CDKL4: variants seen among roughly 807,000 people sequenced by gnomAD.
The protein encoded by CDKL4 is cyclin-dependent kinase-like 4.
A neutral mutation model predicts 42.0 loss-of-function variants in CDKL4; 44 were observed. The ratio of observed to expected loss-of-function variants is 1.05; its 90% confidence interval spans 0.82 to 1.35. The LOEUF is 1.35. CDKL4 is among the 40% of genes most tolerant of loss of function. The pLI, the probability that CDKL4 is intolerant of heterozygous loss-of-function variation, is 0.00. For missense variants in CDKL4, 393 were observed against 369.9 expected (o/e 1.06, Z -0.51); for synonymous variants, 120 against 121.6 (o/e 0.99, Z 0.09).
intron 3 of CDKL4, among the ~76,000 whole-genome samples, chr2:39,214,532 TCATC>T (rs1677797373): frequency 6.6e-6 from 1 of 152,234 alleles, no homozygotes; most frequent in Non-Finnish European, 1.5e-5. Context: ...ATATCTGTAA[TCATC>T]CATCTTATGA....
At position 39,184,155 on chromosome 2, in the gene CDKL4, T is replaced by G. The variant is rs572322911; in HGVS notation, c.792+436A>C. Among the ~76,000 whole-genome samples, 3 of 152,334 alleles carry G rather than the reference T, an allele frequency of 2.0e-5. No homozygotes were observed. In the East Asian group the frequency reaches 5.8e-4, roughly 29 times the overall value. ...ACTGTAGACAGAACTTAATTGATTG[T>G]CAAAGGTAGATACCCTCTCTGGTAT... On this transcript the variant is annotated intron_variant, in intron 8 of 9. Transcript: ENST00000451199.
chr2:39,209,499 T>C (rs2148345850), intron 4 of CDKL4, among the ~76,000 whole-genome samples: 2 of 152,312 alleles, frequency 1.3e-5, no homozygotes, highest in East Asian at 3.9e-4. Context: ...TCTTAAGTCC[T>C]GCGCTTCTCC....
chr2:39,179,446 C>A, intron 8 of CDKL4, 125 bp from the exon 9 acceptor site: 1 of 738,780 alleles, frequency 1.4e-6, no homozygotes. Context: ...TGTGTATTAT[C>A]AAGTAGTTGG....
At position 39,230,467 on chromosome 2, in the gene CDKL4, T is replaced by G. The variant is rs1679029557; in HGVS notation, c.-56-879A>C. ...GAAAATAATAAACACAAAGAAAGCA[T>G]TCATTCTTATGAATTCTTTCACATC... On this transcript the variant is annotated intron_variant, in intron 1 of 9. Coordinates refer to ENST00000451199, the Ensembl canonical transcript of CDKL4. Among the ~76,000 whole-genome samples the G allele has an allele frequency of 2.6e-5, 4 of 152,230 alleles. 1 individual carries two copies. The highest frequency in any genetic ancestry group is 5.9e-5 in the Non-Finnish European group (4 of 68,038).
At chr2:39,218,627 C>A (rs1678098928) in intron 3 of CDKL4, among the ~76,000 whole-genome samples, 1 of 152,162 alleles carries the variant, frequency 6.6e-6, no homozygotes, top group Non-Finnish European at 1.5e-5. Context: ...GGCAGGCAGG[C>A]ATCATCAAAC....
At chr2:39,182,841 C>T (rs1386118399) in intron 8 of CDKL4, among the ~76,000 whole-genome samples, 1 of 152,202 alleles carries the variant, frequency 6.6e-6, no homozygotes, top group Non-Finnish European at 1.5e-5. Context: ...CACAGAAGAC[C>T]TGCCATAGAT....
chr2:39,186,240 T>C (rs1372435180), intron 7 of CDKL4, among the ~76,000 whole-genome samples: 1 of 152,160 alleles, frequency 6.6e-6, no homozygotes, highest in Non-Finnish European at 1.5e-5. Flanking sequence ...AGAAAACCAG[T>C]ATATAAATCA....
intron 1 of CDKL4, among the ~76,000 whole-genome samples, chr2:39,236,318 T>G (rs546228182): frequency 5.9e-5 from 9 of 152,002 alleles, no homozygotes; most frequent in African/African-American, 2.2e-4. Context: ...GGAGGCAAAA[T>G]CAATACTACC....
intron 8 of CDKL4, among the ~76,000 whole-genome samples, chr2:39,181,442 A>G (rs1194461946): frequency 1.3e-5 from 2 of 152,036 alleles, no homozygotes; most frequent in Admixed American, 1.3e-4. Context: ...CTACAATTCC[A>G]TTCCAGACCT....
At chr2:39,224,569 T>C (rs755118084) in intron 3 of CDKL4, among the ~76,000 whole-genome samples, 5 of 150,208 alleles carry the variant, frequency 3.3e-5, no homozygotes, top group Admixed American at 6.6e-5. Context: ...AGTGGTGTGA[T>C]CTCGGCTCAC....
upstream of CDKL4, among the ~76,000 whole-genome samples, chr2:39,245,723 C>T: frequency 6.6e-6 from 1 of 152,340 alleles, no homozygotes; most frequent in Middle Eastern, 3.4e-3. Context: ...AGTTCGTTTC[C>T]CTGCCTGGGC....
chr2:39,171,651 G>C (rs1675002500), downstream of CDKL4, among the ~76,000 whole-genome samples: 1 of 152,184 alleles, frequency 6.6e-6, no homozygotes, highest in African/African-American at 2.4e-5. Context: ...AATAGGCAAA[G>C]TCTGCATTTT....
chr2:39,180,785 G>A (rs900472073), intron 8 of CDKL4, among the ~76,000 whole-genome samples: 7 of 150,438 alleles, frequency 4.7e-5, no homozygotes, highest in Non-Finnish European at 1.0e-4. Flanking sequence ...CCACCTCCCA[G>A]GTTTGAGCGA....
chr2:39,190,446 G>A (rs1234819022), exon 6 of CDKL4: 9 of 1,614,008 alleles, frequency 5.6e-6, no homozygotes, highest in Admixed American at 1.7e-5. Flanking sequence ...CCCACAAGAA[G>A]TTCAGGAGCT....
chr2:39,176,736 A>T (rs1675184417), intron 9 of CDKL4, among the ~76,000 whole-genome samples: 1 of 152,214 alleles, frequency 6.6e-6, no homozygotes, highest in South Asian at 2.1e-4. Flanking sequence ...CCTGGCCTCA[A>T]ATTTTGAATA....
the CDKL4 span, among the ~76,000 whole-genome samples, chr2:39,169,919 G>A: frequency 1.3e-5 from 2 of 152,134 alleles, no homozygotes; most frequent in African/African-American, 4.8e-5. Context: ...CACCCAGGTT[G>A]AAGTGCAGTG....
chr2:39,184,900 A>AG (rs1481039507), intron 7 of CDKL4, among the ~76,000 whole-genome samples: 2 of 151,480 alleles, frequency 1.3e-5, no homozygotes, highest in Non-Finnish European at 2.9e-5. Context: ...ACACACAGCT[A>AG]ATTTTTTATT....
At chr2:39,213,411 G>T in exon 4 of CDKL4, 1 of 1,592,198 alleles carries the variant, frequency 6.3e-7, no homozygotes, top group Non-Finnish European at 8.6e-7. Flanking sequence ...TTATGTATAT[G>T]ACAGAAATTA....
At chr2:39,213,137 T>C (rs1677688131) in intron 4 of CDKL4, among the ~76,000 whole-genome samples, 1 of 152,164 alleles carries the variant, frequency 6.6e-6, no homozygotes, top group Non-Finnish European at 1.5e-5. Context: ...TTTTGAACTT[T>C]CTTTTGTTAT....
Sources: gnomAD v4.1 joint callset for allele counts (sites outside exome capture counted in the v4.1 genomes callset) on GRCh38, gnomAD v4.1.1 for gene constraint, MANE v1.5 for transcripts, NCBI Gene and HGNC (gene_info 2026-07-23, HGNC 2026-07-21) for gene names.